GLIS3: variants seen among roughly 807,000 people sequenced by gnomAD.
GLIS3 encodes the protein zinc finger protein GLIS3.
GLIS3 carries 53 observed loss-of-function variants against 78.6 expected under a neutral mutation model. The ratio of observed to expected loss-of-function variants is 0.67; its 90% CI spans 0.54 to 0.85. GLIS3 has a LOEUF of 0.85. GLIS3 is among the 40% of genes least tolerant of loss of function. The pLI is 0.00. For synonymous variants in GLIS3, 684 were observed against 509.9 expected, an observed-to-expected ratio of 1.34 and a Z score of -4.60; for missense variants, 1,703 against 1,231.1, an observed-to-expected ratio of 1.38 and a Z score of -5.74.
At chr9:3,863,913 G>A (rs549150192) in intron 8 of GLIS3, among the ~76,000 whole-genome samples, 1 of 152,188 alleles carries the variant, frequency 6.6e-6, no homozygotes, top group Non-Finnish European at 1.5e-5. Context: ...GAGGAGGGGA[G>A]AACGTCTCGG....
chr9:4,047,769 G>A (rs1376945969), intron 4 of GLIS3, among the ~76,000 whole-genome samples: 5 of 152,202 alleles, frequency 3.3e-5, no homozygotes, highest in Admixed American at 3.3e-4. Context: ...ATTCAGGAAT[G>A]TTCTGGGAAA....
chr9:4,426,109 A>G, the GLIS3 span, among the ~76,000 whole-genome samples: 9 of 152,210 alleles, frequency 5.9e-5, no homozygotes, highest in African/African-American at 2.2e-4. Context: ...CCCATCCATG[A>G]GTCCAGAGCC....
chr9:4,027,228 C>T (rs1049506541), intron 4 of GLIS3, among the ~76,000 whole-genome samples: 1 of 152,222 alleles, frequency 6.6e-6, no homozygotes, highest in Non-Finnish European at 1.5e-5. Flanking sequence ...CAACGCTTAG[C>T]CATTTCAGCG....
chr9:3,856,828 G>A (rs181030992), intron 8 of GLIS3, among the ~76,000 whole-genome samples: 299 of 152,304 alleles, frequency 2.0e-3, no homozygotes, highest in African/African-American at 6.9e-3. Flanking sequence ...GGAAGATGAT[G>A]TAGGAGTCAC....
Position 4,347,419 on chromosome 9 carries a change from A to G in GLIS3, n.162-236T>C, listed in dbSNP as rs903912750. 3.3e-5 allele frequency among the ~76,000 whole-genome samples: 5 copies of G among 152,142 alleles called. No individual in the cohort carries two copies. In the East Asian group the frequency reaches 7.7e-4, roughly 23 times the overall value. On this transcript the variant is annotated intron_variant and non_coding_transcript_variant, in intron 1 of 4. Transcript: ENST00000471664. The stretch of plus-strand genomic sequence containing the variant: ...GTTTAGGAGGACAAACATCCAAACT[A>G]TAGCAACCTGAAAAAATCTTTAAAG...
Position 4,295,182 on chromosome 9 carries a change from CTTTT to C in GLIS3, c.-99+4235_-99+4238del, listed in dbSNP as rs1038430465. Among the ~76,000 whole-genome samples the C allele has an allele frequency of 2.7e-5, 4 of 149,156 alleles. No individual in the cohort carries two copies. The South Asian group carries it at 6.4e-4, about 24-fold the overall frequency. On this transcript the variant is annotated intron_variant, in intron 1 of 10. Coordinates refer to ENST00000381971, the MANE Select transcript of GLIS3 (RefSeq NM_001042413.2). ...GTTCAATACTGAAACCAGGCACTTACTTTTTTTTTTATTATGGGGGTTGCTGGCC... is the reference window on the plus strand; with the variant it reads ...GTTCAATACTGAAACCAGGCACTTACTTTTTTATTATGGGGGTTGCTGGCC...
At chr9:4,064,676 C>T (rs563905588) in intron 4 of GLIS3, among the ~76,000 whole-genome samples, 16 of 152,116 alleles carry the variant, frequency 1.1e-4, no homozygotes, top group Non-Finnish European at 1.8e-4. Context: ...CACCTGTAAT[C>T]CCAGCTACTT....
intron 6 of GLIS3, among the ~76,000 whole-genome samples, chr9:3,907,156 A>G (rs1047041818): frequency 6.6e-6 from 1 of 152,204 alleles, no homozygotes; most frequent in African/African-American, 2.4e-5. Flanking sequence ...GTGATTGGAC[A>G]TGTGCACTGG....
Position 3,937,171 on chromosome 9 carries a change from C to A in GLIS3, c.1729G>T (p.Ala577Ser). The part of the protein sequence containing the change: ...NKCTFEGCEK[A>S]FSRLENLKIH... ...TTGAGATTTTCAAGCCTTGAAAAGGCCTTCTCGCAACCTTCAAACTGCAAA... is the reference window on the plus strand; with the variant it reads ...TTGAGATTTTCAAGCCTTGAAAAGGACTTCTCGCAACCTTCAAACTGCAAA... Residue 577 changes from alanine to serine, a missense_variant, in exon 5 of 11, where the codon GCC (alanine) becomes TCC (serine). Physicochemically the swap from Ala to Ser is moderately conservative, Grantham distance 99. Transcript: ENST00000381971. 4 of 1,614,130 alleles carry A rather than the reference C, an allele frequency of 2.5e-6. No homozygotes were observed. Among genetic ancestry groups the A allele is most frequent in the Non-Finnish European group, 3.4e-6 (4 of 1,180,018 alleles).
At chr9:4,257,819 C>T (rs1035540533) in intron 2 of GLIS3, among the ~76,000 whole-genome samples, 14 of 151,936 alleles carry the variant, frequency 9.2e-5, no homozygotes, top group Admixed American at 4.6e-4. Context: ...ATGATCTGCC[C>T]GCCTCTGCCT....
rs982181994 is a variant in GLIS3, at chr9:3,907,656, T to A, written c.1984-8821A>T. Reference sequence around the variant, plus strand: ...CACACACACACACACACACACACACTACTAAACAGTGCTCCTTTGCCTCAA... The same window carrying A: ...CACACACACACACACACACACACACAACTAAACAGTGCTCCTTTGCCTCAA... On this transcript the variant is annotated intron_variant, in intron 6 of 10. Transcript: ENST00000381971. 3.9e-4 allele frequency among the ~76,000 whole-genome samples: 43 copies of A among 110,204 alleles called. No homozygotes were observed. In the East Asian group the frequency reaches 9.4e-3, roughly 24 times the overall value. 72.3% of individuals were successfully genotyped at this position (110,204 alleles called of 152,430 possible).
the GLIS3 span, among the ~76,000 whole-genome samples, chr9:4,443,918 T>G: frequency 6.6e-6 from 1 of 152,226 alleles, no homozygotes; most frequent in African/African-American, 2.4e-5. Context: ...ACAATTCCAC[T>G]GTGTGTGTCT....
At chr9:4,074,635 T>C (rs1588610173) in intron 4 of GLIS3, among the ~76,000 whole-genome samples, 1 of 152,292 alleles carries the variant, frequency 6.6e-6, no homozygotes, top group Non-Finnish European at 1.5e-5. Context: ...CTTTCCCTAT[T>C]CCATTGATTT....
chr9:4,298,875 C>G (rs1816853396), intron 1 of GLIS3, among the ~76,000 whole-genome samples: 2 of 152,156 alleles, frequency 1.3e-5, no homozygotes, highest in African/African-American at 4.8e-5. Context: ...GGATGAGACA[C>G]AGGCGTGGAA....
chr9:4,267,944 CCT>C (rs1491278468), intron 2 of GLIS3, among the ~76,000 whole-genome samples: 2,821 of 149,870 alleles, frequency 0.019, 49 homozygotes, highest in African/African-American at 0.035. Context: ...TATAAAAATA[CCT>C]GTGTGTGTGT....
chr9:4,218,980 T>C (rs150717088), intron 2 of GLIS3, among the ~76,000 whole-genome samples: 2,370 of 152,370 alleles, frequency 0.016, 40 homozygotes, highest in Non-Finnish European at 0.024. Flanking sequence ...TCATGAAAGA[T>C]AAAATTGGTC....
At chr9:4,250,270 G>A (rs141931804) in intron 2 of GLIS3, among the ~76,000 whole-genome samples, 6 of 151,866 alleles carry the variant, frequency 4.0e-5, no homozygotes, top group African/African-American at 1.2e-4. Context: ...TGGTTGGTAG[G>A]CTATTATTGC....
At chr9:4,395,755 C>T in the GLIS3 span, among the ~76,000 whole-genome samples, 1 of 149,578 alleles carries the variant, frequency 6.7e-6, no homozygotes, top group Admixed American at 6.6e-5. Flanking sequence ...TAATTGGTCA[C>T]CATTTTCTTT....
intron 3 of GLIS3, among the ~76,000 whole-genome samples, chr9:4,124,372 C>A (rs982366455): frequency 1.3e-5 from 2 of 152,196 alleles, no homozygotes; most frequent in African/African-American, 4.8e-5. Flanking sequence ...GCATAAGATA[C>A]ATGGCTTAAG....
Sources: allele counts gnomAD v4.1 joint callset (sites outside exome capture counted in the v4.1 genomes callset), GRCh38; gene constraint gnomAD v4.1.1; transcripts MANE v1.5; gene names NCBI Gene and HGNC (gene_info 2026-07-23, HGNC 2026-07-21).